The following BANK1 variants were observed in gnomAD, a reference collection of about 807,000 sequenced individuals.
The protein encoded by BANK1 is B-cell scaffold protein with ankyrin repeats.
A neutral mutation model predicts 94.5 loss-of-function variants in BANK1; 95 were observed. The observed-to-expected ratio is 1.00, with a 90% confidence interval of 0.85 to 1.19. BANK1 has a LOEUF of 1.19. Ranked by LOEUF, BANK1 falls within the 50% of genes most tolerant of loss-of-function variation. BANK1 has a pLI of 0.00. For synonymous variants in BANK1, 334 were observed against 308.4 expected (o/e 1.08, Z -0.87); for missense variants, 987 against 932.2 (o/e 1.06, Z -0.77).
intron 2 of BANK1, among the ~76,000 whole-genome samples, chr4:101,842,366 T>C (rs768284778): frequency 2.6e-5 from 4 of 152,224 alleles, no homozygotes; most frequent in Non-Finnish European, 4.4e-5. Flanking sequence ...TAACATTCAT[T>C]AATAAATTCT....
At chr4:101,925,518 A>G (rs942645554) in intron 7 of BANK1, among the ~76,000 whole-genome samples, 1 of 151,784 alleles carries the variant, frequency 6.6e-6, no homozygotes, top group Non-Finnish European at 1.5e-5. Flanking sequence ...AATAATATAC[A>G]TGTGCTTACA....
At chr4:102,044,236 G>A (rs34180536) in intron 11 of BANK1, among the ~76,000 whole-genome samples, 47,447 of 151,540 alleles carry the variant, frequency 0.31, 7,802 homozygotes, top group South Asian at 0.44. Flanking sequence ...CTGTGTCCAT[G>A]TGATCTCATT....
intron 7 of BANK1, among the ~76,000 whole-genome samples, chr4:101,927,049 T>C (rs1163326060): frequency 6.6e-6 from 1 of 151,744 alleles, no homozygotes; most frequent in Non-Finnish European, 1.5e-5. Flanking sequence ...TGAGAGGCAT[T>C]GTATTTGTCT....
intron 7 of BANK1, among the ~76,000 whole-genome samples, chr4:101,936,565 T>C (rs575206133): frequency 1.3e-5 from 2 of 150,782 alleles, no homozygotes; most frequent in South Asian, 4.2e-4. Context: ...TATATGTATA[T>C]GTATACGTGT....
chr4:102,059,548 G>A (rs1287442673), intron 11 of BANK1, among the ~76,000 whole-genome samples: 1 of 152,088 alleles, frequency 6.6e-6, no homozygotes, highest in African/African-American at 2.4e-5. Context: ...GGCAGACAAG[G>A]GAAACACTGA....
At chr4:101,975,361 G>A (rs1157248355) in intron 7 of BANK1, among the ~76,000 whole-genome samples, 1 of 152,112 alleles carries the variant, frequency 6.6e-6, no homozygotes, top group Non-Finnish European at 1.5e-5. Context: ...TGTAAGTCTA[G>A]ACTATCTAAA....
At chr4:101,830,436 A>G (rs1726573217) in intron 2 of BANK1, among the ~76,000 whole-genome samples, 1 of 152,118 alleles carries the variant, frequency 6.6e-6, no homozygotes, top group Admixed American at 6.5e-5. Flanking sequence ...ATGGCTTATA[A>G]ATATATTCTT....
intron 1 of BANK1, among the ~76,000 whole-genome samples, chr4:101,794,933 G>T (rs1437657922): frequency 2.6e-5 from 4 of 151,920 alleles, no homozygotes; most frequent in African/African-American, 9.7e-5. Context: ...TTTCTTCTAA[G>T]TGTCTCTGCC....
Position 102,060,341 on chromosome 4 carries a change from A to C in BANK1, c.2100A>C (p.Lys700Asn). Residue 700 changes from lysine (K) to asparagine (N), a missense_variant, in exon 12 of 17, where the codon AAA (lysine) becomes AAC (asparagine). Coordinates refer to ENST00000322953, the MANE Select transcript of BANK1 (RefSeq NM_017935.5). Reference protein sequence around the residue: ...GKMSMDEALEKFKHWQMGKSG... With the variant: ...GKMSMDEALENFKHWQMGKSG... ...TGTCTATGGATGAAGCTCTGGAGAA[A>C]TTTAAACACTGGCAGATGGGAAAAA... 1 of 1,611,030 alleles carries C rather than the reference A, an allele frequency of 6.2e-7. No individual in the cohort carries two copies. Among genetic ancestry groups the C allele is most frequent in the Non-Finnish European group, 8.5e-7 (1 of 1,178,934 alleles).
intron 7 of BANK1, among the ~76,000 whole-genome samples, chr4:101,992,839 C>T (rs1156379550): frequency 2.0e-5 from 3 of 152,122 alleles, no homozygotes; most frequent in Non-Finnish European, 2.9e-5. Flanking sequence ...CTCAAATACT[C>T]GGAGATCTAA....
chr4:101,947,220 C>A (rs1335945721), intron 7 of BANK1, among the ~76,000 whole-genome samples: 1 of 147,388 alleles, frequency 6.8e-6, no homozygotes, highest in Non-Finnish European at 1.5e-5. Context: ...CTAAAGAGAA[C>A]CCTATAAAAA....
chr4:102,027,222 T>C (rs992554266), intron 9 of BANK1, among the ~76,000 whole-genome samples: 7 of 152,168 alleles, frequency 4.6e-5, no homozygotes, highest in Admixed American at 6.5e-5. Flanking sequence ...TGTCAGATTA[T>C]TTCTCTTAAA....
chr4:101,935,282 T>A (rs956570284), intron 7 of BANK1, among the ~76,000 whole-genome samples: 2 of 151,510 alleles, frequency 1.3e-5, no homozygotes, highest in African/African-American at 4.8e-5. Context: ...ATAAGAAAAG[T>A]TCTTAAGTAG....
At chr4:101,908,063 G>T (rs992311343) in intron 6 of BANK1, among the ~76,000 whole-genome samples, 43 of 152,042 alleles carry the variant, frequency 2.8e-4, no homozygotes, top group East Asian at 3.9e-4. Flanking sequence ...TACTTTAAAG[G>T]TCATATGGAA....
In BANK1 at chr4:101,994,981, G is replaced by A. The variant is rs75517907; in HGVS notation, c.1207-26533G>A. Reference sequence around the variant, plus strand: ...TTTAAAATTATACTTTAAGTTTTGGGAGACATGTGCAGAACGTGCCAGTTT... The same window carrying A: ...TTTAAAATTATACTTTAAGTTTTGGAAGACATGTGCAGAACGTGCCAGTTT... On this transcript the variant is annotated intron_variant, in intron 7 of 16. Transcript: ENST00000322953. Among the ~76,000 whole-genome samples the A allele has an allele frequency of 6.2e-3, 941 of 152,012 alleles. 13 individuals are homozygous for A. Among genetic ancestry groups the A allele is most frequent in the East Asian group, 0.057 (294 of 5,162 alleles).
chr4:101,878,820 C>T (rs977884708), intron 5 of BANK1, among the ~76,000 whole-genome samples: 1 of 151,928 alleles, frequency 6.6e-6, no homozygotes, highest in Non-Finnish European at 1.5e-5. Flanking sequence ...CTTACAAATA[C>T]ATGGAAATTA....
chr4:102,063,835 A>T (rs941745074), intron 13 of BANK1, among the ~76,000 whole-genome samples: 8 of 151,420 alleles, frequency 5.3e-5, no homozygotes, highest in African/African-American at 1.5e-4. Flanking sequence ...AAAAAAAAAA[A>T]GAAATGAAAT....
intron 6 of BANK1, among the ~76,000 whole-genome samples, chr4:101,904,961 A>G (rs919377714): frequency 6.6e-6 from 1 of 152,210 alleles, no homozygotes; most frequent in Non-Finnish European, 1.5e-5. Flanking sequence ...CACAGGTAGG[A>G]CATTTATCAG....
chr4:102,046,458 T>C (rs1230538702), intron 11 of BANK1, among the ~76,000 whole-genome samples: 1 of 152,076 alleles, frequency 6.6e-6, no homozygotes, highest in Non-Finnish European at 1.5e-5. Context: ...TCCAGGAAGG[T>C]CAAGTAAGAA....
Sources: gnomAD v4.1 joint callset for allele counts (sites outside exome capture counted in the v4.1 genomes callset) on GRCh38, gnomAD v4.1.1 for gene constraint, MANE v1.5 for transcripts, NCBI Gene and HGNC (gene_info 2026-07-23, HGNC 2026-07-21) for gene names.